EPHB1: variants seen among roughly 807,000 people sequenced by gnomAD.
EPHB1 encodes ephrin type-B receptor 1.
A neutral mutation model predicts 94.4 loss-of-function variants in EPHB1; 30 were observed. The observed-to-expected ratio is 0.32, with a 90% CI of 0.24 to 0.43. EPHB1 has a LOEUF of 0.43. Ranked by LOEUF, EPHB1 falls within the 20% of genes least tolerant of loss-of-function variation. The probability of loss-of-function intolerance (pLI) is 1.00; values close to 1 mark genes in which losing one functional copy is unlikely to be tolerated. For missense variants in EPHB1, 1,055 were observed against 1,308.3 expected (o/e 0.81, Z 2.99); for synonymous variants, 522 against 489.1 (o/e 1.07, Z -0.89).
At chr3:135,015,364 C>A (rs145179303) in intron 3 of EPHB1, among the ~76,000 whole-genome samples, 2,053 of 152,194 alleles carry the variant, frequency 0.013, 16 homozygotes, top group Non-Finnish European at 0.017. Flanking sequence ...CCTCAGCCTC[C>A]CAAGTAGCTG....
intron 4 of EPHB1, among the ~76,000 whole-genome samples, chr3:135,126,386 C>T (rs1940207800): frequency 6.6e-6 from 1 of 152,118 alleles, no homozygotes; most frequent in South Asian, 2.1e-4. Flanking sequence ...AAAGAGGGCA[C>T]AGTTTGCTGT....
chr3:134,997,149 G>A (rs965357476), intron 3 of EPHB1, among the ~76,000 whole-genome samples: 1 of 152,202 alleles, frequency 6.6e-6, no homozygotes, highest in African/African-American at 2.4e-5. Flanking sequence ...TAGCTAACTT[G>A]TGTCTCAGCC....
intron 3 of EPHB1, among the ~76,000 whole-genome samples, chr3:135,052,860 CAAAAAAAAAAAAAAAAA>C (rs1193207059): frequency 8.3e-5 from 1 of 12,096 alleles, no homozygotes; most frequent in Non-Finnish European, 1.2e-4. Flanking sequence ...GACTCCGTCT[CAAAAAAAAAAAAAAAAA>C]AAAAAAAAAA....
chr3:135,001,570 CAA>C (rs1432094741), intron 3 of EPHB1, among the ~76,000 whole-genome samples: 9 of 152,214 alleles, frequency 5.9e-5, no homozygotes, highest in Admixed American at 5.9e-4. Flanking sequence ...GGGCATATAG[CAA>C]AGCCTTCCCT....
chr3:134,874,556 A>G (rs2037577601), intron 1 of EPHB1, among the ~76,000 whole-genome samples: 1 of 152,222 alleles, frequency 6.6e-6, no homozygotes, highest in Non-Finnish European at 1.5e-5. Flanking sequence ...AACAGATTCT[A>G]AAAACATTAC....
intron 1 of EPHB1, among the ~76,000 whole-genome samples, chr3:134,877,460 A>G (rs1317455013): frequency 3.9e-5 from 6 of 152,008 alleles, no homozygotes; most frequent in Admixed American, 6.6e-5. Context: ...TTCTTTTCCT[A>G]TGACCCTCAG....
intron 10 of EPHB1, 149 bp from the exon 11 acceptor site, chr3:135,192,426 AT>A: frequency 1.4e-6 from 1 of 695,164 alleles, no homozygotes. Flanking sequence ...AGCCAAAACA[AT>A]ATAGTTACAA....
chr3:135,209,499 C>T (rs1459394329), intron 12 of EPHB1, among the ~76,000 whole-genome samples: 1 of 152,198 alleles, frequency 6.6e-6, no homozygotes, highest in Non-Finnish European at 1.5e-5. Flanking sequence ...AAATTTATAA[C>T]TTGGGTCTCA....
intron 1 of EPHB1, among the ~76,000 whole-genome samples, chr3:134,872,616 G>A (rs769055517): frequency 2.0e-5 from 3 of 152,166 alleles, no homozygotes; most frequent in South Asian, 2.1e-4. Flanking sequence ...TAACAATATC[G>A]TGGACAGAAC....
intron 9 of EPHB1, among the ~76,000 whole-genome samples, chr3:135,178,224 A>AGGAGG (rs1553744897): frequency 3.6e-5 from 5 of 139,422 alleles, no homozygotes; most frequent in Non-Finnish European, 7.5e-5. Context: ...GAGGCCGGGG[A>AGGAGG]GGGGGGGTGG....
In EPHB1 at chr3:135,087,735, T is replaced by C. The variant is rs1938409660; in HGVS notation, c.806-18713T>C. 1.3e-5 allele frequency among the ~76,000 whole-genome samples: 2 copies of C among 152,172 alleles called. 1 individual carries two copies. Among genetic ancestry groups the C allele is most frequent in the South Asian group, 4.1e-4 (2 of 4,824 alleles). On this transcript the variant is annotated intron_variant, in intron 3 of 15. Coordinates refer to ENST00000398015, the MANE Select transcript of EPHB1 (RefSeq NM_004441.5). ...CATGCAAATAGCAAAAAACTTATAT[T>C]CTAGGGAGCCGACACCCACTAGAGG...
intron 3 of EPHB1, among the ~76,000 whole-genome samples, chr3:134,997,417 T>C (rs1935030492): frequency 6.6e-6 from 1 of 152,230 alleles, no homozygotes; most frequent in African/African-American, 2.4e-5. Context: ...TAACATTTTA[T>C]TACACTATGT....
chr3:134,984,924 C>G (rs1934542232), intron 3 of EPHB1, among the ~76,000 whole-genome samples: 1 of 152,068 alleles, frequency 6.6e-6, no homozygotes, highest in African/African-American at 2.4e-5. Context: ...ATGTCACAGT[C>G]CACTTCATGG....
intron 3 of EPHB1, among the ~76,000 whole-genome samples, chr3:135,074,707 C>T (rs889703171): frequency 1.3e-5 from 2 of 152,218 alleles, no homozygotes; most frequent in Non-Finnish European, 2.9e-5. Flanking sequence ...GCCATCCCCT[C>T]CCCTCTGGGC....
rs1943506352 is a variant in EPHB1, at chr3:135,230,454, C to T, written c.2347-10694C>T. On this transcript the variant is annotated intron_variant, in intron 12 of 15. Transcript: ENST00000398015. Reference sequence around the variant, plus strand: ...GCCCTTTGGGGTGAGTCCAGTTGCTCTTTCTCCAGAGCACTCACTTCAGGA... The same window carrying T: ...GCCCTTTGGGGTGAGTCCAGTTGCTTTTTCTCCAGAGCACTCACTTCAGGA... Among the ~76,000 whole-genome samples, 10 of 152,280 alleles carry T rather than the reference C, an allele frequency of 6.6e-5. No homozygotes were observed. The South Asian group carries it at 2.1e-3, about 32-fold the overall frequency.
chr3:135,038,198 G>A (rs541005756), intron 3 of EPHB1, among the ~76,000 whole-genome samples: 30 of 152,332 alleles, frequency 2.0e-4, no homozygotes, highest in East Asian at 7.7e-4. Flanking sequence ...CTTTTCACCC[G>A]TGGTGGGGTA....
intron 3 of EPHB1, among the ~76,000 whole-genome samples, chr3:134,958,035 C>T (rs1279683856): frequency 1.3e-5 from 2 of 152,138 alleles, no homozygotes; most frequent in African/African-American, 2.4e-5. Flanking sequence ...TCTTGTCAGA[C>T]GCTTGCTGTC....
intron 5 of EPHB1, among the ~76,000 whole-genome samples, chr3:135,148,030 T>C (rs1018089701): frequency 4.6e-5 from 7 of 152,260 alleles, no homozygotes; most frequent in Non-Finnish European, 8.8e-5. Flanking sequence ...TAAACTGTTA[T>C]ATCATTTGTT....
Position 135,007,848 on chromosome 3 carries a change from A to G in EPHB1, c.805+55796A>G, listed in dbSNP as rs1211371143. Among the ~76,000 whole-genome samples the G allele has an allele frequency of 2.0e-5, 3 of 152,250 alleles. No individual in the cohort carries two copies. The East Asian group carries it at 5.8e-4, about 29-fold the overall frequency. The stretch of plus-strand genomic sequence containing the variant: ...TTGTTAAATACTTTTCCTCTACTTC[A>G]TGGATTAAGCTGTTGATCAGGTCAG... On this transcript the variant is annotated intron_variant, in intron 3 of 15. Coordinates refer to ENST00000398015, the MANE Select transcript of EPHB1 (RefSeq NM_004441.5).
Sources: allele counts gnomAD v4.1 joint callset (sites outside exome capture counted in the v4.1 genomes callset), GRCh38; gene constraint gnomAD v4.1.1; transcripts MANE v1.5; gene names NCBI Gene and HGNC (gene_info 2026-07-23, HGNC 2026-07-21).